EPHA3: variants seen among roughly 807,000 people sequenced by gnomAD.
The protein encoded by EPHA3 is ephrin type-A receptor 3.
A neutral mutation model predicts 107.1 loss-of-function variants in EPHA3; 42 were observed. The ratio of observed to expected loss-of-function variants is 0.39; its 90% CI spans 0.31 to 0.51. The LOEUF is 0.51. Ranked by LOEUF, EPHA3 falls within the 20% of genes least tolerant of loss-of-function variation. The pLI is 0.78. For missense variants in EPHA3, 1,183 were observed against 1,211.2 expected (o/e 0.98, Z 0.35); for synonymous variants, 461 against 424.8 (o/e 1.09, Z -1.05).
intron 3 of EPHA3, among the ~76,000 whole-genome samples, chr3:89,212,667 G>C (rs766918014): frequency 1.3e-4 from 19 of 151,714 alleles, no homozygotes; most frequent in Non-Finnish European, 2.2e-4. Context: ...GGAGGGGAGA[G>C]ATGAGGACGC....
intron 1 of EPHA3, among the ~76,000 whole-genome samples, chr3:89,122,144 C>A (rs1559740887): frequency 6.6e-6 from 1 of 152,060 alleles, no homozygotes; most frequent in Non-Finnish European, 1.5e-5. Context: ...TAACCTAGAG[C>A]AAAGTTATTC....
intron 2 of EPHA3, among the ~76,000 whole-genome samples, chr3:89,209,530 A>G (rs1292586615): frequency 6.6e-6 from 1 of 152,144 alleles, no homozygotes; most frequent in Non-Finnish European, 1.5e-5. Context: ...AAAACACCCA[A>G]AAACATATGA....
chr3:89,286,632 G>A (rs2107322465), intron 3 of EPHA3, among the ~76,000 whole-genome samples: 1 of 152,224 alleles, frequency 6.6e-6, no homozygotes, highest in South Asian at 2.1e-4. Flanking sequence ...TAGTTCCAGA[G>A]GTTGTGTTCT....
intron 7 of EPHA3, among the ~76,000 whole-genome samples, chr3:89,401,612 C>T (rs776203939): frequency 2.0e-5 from 3 of 151,622 alleles, no homozygotes; most frequent in Non-Finnish European, 4.4e-5. Context: ...TTCTCAAAAT[C>T]TCTTTCTTTT....
chr3:89,153,729 T>C (rs1462322355), intron 2 of EPHA3, among the ~76,000 whole-genome samples: 1 of 152,130 alleles, frequency 6.6e-6, no homozygotes, highest in Admixed American at 6.6e-5. Flanking sequence ...TGTCCTATTA[T>C]AGTTACACTC....
intron 5 of EPHA3, among the ~76,000 whole-genome samples, chr3:89,347,065 T>C (rs1196028546): frequency 2.8e-5 from 4 of 143,732 alleles, no homozygotes; most frequent in Non-Finnish European, 6.1e-5. Context: ...GCCTCCAGCT[T>C]TGTTCTTTTG....
intron 16 of EPHA3, among the ~76,000 whole-genome samples, chr3:89,476,226 A>T (rs1247304801): frequency 6.8e-6 from 1 of 147,410 alleles, no homozygotes; most frequent in Non-Finnish European, 1.5e-5. Flanking sequence ...TAAGCATATT[A>T]TATATATATA....
intron 3 of EPHA3, among the ~76,000 whole-genome samples, chr3:89,224,849 A>G (rs1182033705): frequency 6.6e-6 from 1 of 151,830 alleles, no homozygotes; most frequent in Non-Finnish European, 1.5e-5. Context: ...ACTCTGTCTC[A>G]AAATAATAAT....
chr3:89,205,270 A>T (rs1225608673), intron 2 of EPHA3, among the ~76,000 whole-genome samples: 2 of 152,206 alleles, frequency 1.3e-5, no homozygotes, highest in Non-Finnish European at 2.9e-5. Flanking sequence ...AATAAATATA[A>T]ATTCTTAATT....
intron 3 of EPHA3, among the ~76,000 whole-genome samples, chr3:89,293,416 T>G (rs1706264957): frequency 6.6e-6 from 1 of 152,186 alleles, no homozygotes; most frequent in African/African-American, 2.4e-5. Context: ...TACCTTTGCC[T>G]ATTCAAAGAG....
At chr3:89,436,228 T>A (rs1425068073) in intron 13 of EPHA3, among the ~76,000 whole-genome samples, 1 of 152,192 alleles carries the variant, frequency 6.6e-6, no homozygotes, top group Non-Finnish European at 1.5e-5. Flanking sequence ...CAAAGCAATA[T>A]ACCCAGCTTA....
At chr3:89,356,960 G>A (rs1707972359) in intron 5 of EPHA3, among the ~76,000 whole-genome samples, 1 of 149,344 alleles carries the variant, frequency 6.7e-6, no homozygotes, top group Admixed American at 6.8e-5. Context: ...AAAATTAGCT[G>A]GGTGTGGTCG....
intron 5 of EPHA3, among the ~76,000 whole-genome samples, chr3:89,353,536 T>A (rs1426545113): frequency 6.6e-6 from 1 of 151,294 alleles, no homozygotes; most frequent in East Asian, 1.9e-4. Flanking sequence ...ATTTTCACAG[T>A]ACATCATGCT....
intron 3 of EPHA3, among the ~76,000 whole-genome samples, chr3:89,228,678 T>C (rs745434493): frequency 3.9e-5 from 6 of 151,946 alleles, no homozygotes; most frequent in Admixed American, 2.6e-4. Flanking sequence ...CTATGAAAAA[T>C]GTGCCGTGTT....
At chr3:89,391,379 A>AT (rs1245502530) in intron 5 of EPHA3, among the ~76,000 whole-genome samples, 3 of 91,290 alleles carry the variant, frequency 3.3e-5, no homozygotes, top group Admixed American at 9.9e-5. Context: ...CTTTATTTGT[A>AT]TTTTTTTCTT....
At chr3:89,372,838 C>T (rs1708334733) in intron 5 of EPHA3, among the ~76,000 whole-genome samples, 1 of 151,704 alleles carries the variant, frequency 6.6e-6, no homozygotes, top group South Asian at 2.1e-4. Flanking sequence ...GGTATGTTAT[C>T]TTACCTTGCA....
At chr3:89,178,722 A>T (rs1705371981) in intron 2 of EPHA3, among the ~76,000 whole-genome samples, 1 of 151,782 alleles carries the variant, frequency 6.6e-6, no homozygotes, top group Non-Finnish European at 1.5e-5. Flanking sequence ...GTTATATAGA[A>T]TCCTCTATTT....
chr3:89,141,283 A>G (rs1236545899), intron 2 of EPHA3, among the ~76,000 whole-genome samples: 1 of 151,584 alleles, frequency 6.6e-6, no homozygotes, highest in Non-Finnish European at 1.5e-5. Context: ...TGTTTACTCC[A>G]TGGACTTAGA....
intron 3 of EPHA3, 140 bp from the exon 4 acceptor site, chr3:89,340,776 C>T (rs1707500350): frequency 3.7e-6 from 3 of 815,624 alleles, no homozygotes; most frequent in Non-Finnish European, 5.2e-6. Flanking sequence ...TAGGCTCTGT[C>T]ATTTGCTTCT....
Sources: allele counts gnomAD v4.1 joint callset (sites outside exome capture counted in the v4.1 genomes callset), GRCh38; gene constraint gnomAD v4.1.1; transcripts MANE v1.5; gene names NCBI Gene and HGNC (gene_info 2026-07-23, HGNC 2026-07-21).